TNFRSF8: variants seen among roughly 807,000 people sequenced by gnomAD.
TNFRSF8 encodes the protein TNF receptor superfamily member 8, also known as tumor necrosis factor receptor superfamily member 8.
A neutral mutation model predicts 70.8 loss-of-function variants in TNFRSF8; 26 were observed. The ratio of observed to expected loss-of-function variants is 0.37; its 90% CI spans 0.27 to 0.51. TNFRSF8 has a LOEUF of 0.51. TNFRSF8 is among the 20% of genes least tolerant of loss of function. The pLI is 0.94. For missense variants in TNFRSF8, 720 were observed against 807.9 expected, an observed-to-expected ratio of 0.89 and a Z score of 1.32; for synonymous variants, 356 against 339.2, an observed-to-expected ratio of 1.05 and a Z score of -0.54.
chr1:12,085,042 C>T (rs1378687712), intron 2 of TNFRSF8, among the ~76,000 whole-genome samples: 1 of 152,192 alleles, frequency 6.6e-6, no homozygotes, highest in Non-Finnish European at 1.5e-5. Flanking sequence ...GGGCTGTCAA[C>T]ATCCTCTGAC....
At chr1:12,123,430 C>T (rs1641871135) in intron 9 of TNFRSF8, 53 bp downstream of exon 9, 6 of 1,513,684 alleles carry the variant, frequency 4.0e-6, no homozygotes, top group South Asian at 3.7e-5. Flanking sequence ...GGAGCTGTCC[C>T]TGCCATGCCC....
intron 1 of TNFRSF8, among the ~76,000 whole-genome samples, chr1:12,081,759 C>T (rs1261243962): frequency 1.3e-5 from 2 of 152,202 alleles, no homozygotes; most frequent in Admixed American, 6.5e-5. Flanking sequence ...CTTCACTGCT[C>T]CCTCGAGTGG....
At chr1:12,075,423 A>G (rs1640927021) in intron 1 of TNFRSF8, among the ~76,000 whole-genome samples, 1 of 152,058 alleles carries the variant, frequency 6.6e-6, no homozygotes, top group African/African-American at 2.4e-5. Flanking sequence ...CGGTAGCCCC[A>G]GCATTTGATG....
intron 1 of TNFRSF8, among the ~76,000 whole-genome samples, chr1:12,082,788 A>G (rs1209438052): frequency 6.6e-6 from 1 of 152,182 alleles, no homozygotes; most frequent in Non-Finnish European, 1.5e-5. Context: ...ATTAACCATA[A>G]AAGAAAAGAT....
intron 3 of TNFRSF8, among the ~76,000 whole-genome samples, chr1:12,103,788 C>T (rs1570031240): frequency 6.6e-6 from 1 of 152,210 alleles, no homozygotes; most frequent in Admixed American, 6.5e-5. Flanking sequence ...CCACTGCACC[C>T]AGCCTCCCCT....
chr1:12,102,246 A>G (rs1034530274), intron 3 of TNFRSF8, among the ~76,000 whole-genome samples: 9 of 152,074 alleles, frequency 5.9e-5, no homozygotes, highest in African/African-American at 1.9e-4. Flanking sequence ...TCTGAGGGCA[A>G]TGGGGCTCAG....
At chr1:12,086,381 G>T (rs1641152806) in intron 2 of TNFRSF8, among the ~76,000 whole-genome samples, 1 of 152,162 alleles carries the variant, frequency 6.6e-6, no homozygotes, top group Non-Finnish European at 1.5e-5. Context: ...TTTTGGTTTA[G>T]TGTTGATTTT....
chr1:12,082,193 T>C (rs1641076049), intron 1 of TNFRSF8, among the ~76,000 whole-genome samples: 1 of 152,220 alleles, frequency 6.6e-6, no homozygotes, highest in Admixed American at 6.5e-5. Flanking sequence ...GAATCCTTTC[T>C]TATGATGGTG....
chr1:12,113,547 GAGAGAGAGAA>G lies in TNFRSF8; in HGVS notation c.793+1543_793+1552del, dbSNP rs1368232655. Among the ~76,000 whole-genome samples, 4 of 151,664 alleles carry G rather than the reference GAGAGAGAGAA, an allele frequency of 2.6e-5. No individual in the cohort carries two copies. Among genetic ancestry groups the G allele is most frequent in the African/African-American group, 9.7e-5 (4 of 41,300 alleles). ...AGACAGAAAGAGGGAGAGAAAGAGT[GAGAGAGAGAA>G]AGAGAGAGACAGAGAGAAAGAGACA... On this transcript the variant is annotated intron_variant, in intron 7 of 14. Coordinates refer to ENST00000263932, the MANE Select transcript of TNFRSF8 (RefSeq NM_001243.5). This position sits in a 1 kb window ranked among gnomAD's most constrained non-coding sequence, Gnocchi z 4.9.
chr1:12,071,996 C>G (rs1371262954), intron 1 of TNFRSF8, among the ~76,000 whole-genome samples: 1 of 152,160 alleles, frequency 6.6e-6, no homozygotes, highest in Non-Finnish European at 1.5e-5. Flanking sequence ...CTTTGAGAGA[C>G]AGTAGAGCAT....
chr1:12,075,745 C>T (rs1640935521), intron 1 of TNFRSF8, among the ~76,000 whole-genome samples: 1 of 152,208 alleles, frequency 6.6e-6, no homozygotes, highest in South Asian at 2.1e-4. Flanking sequence ...GGAGCGTCAC[C>T]ATCTTGGACA....
intron 13 of TNFRSF8, among the ~76,000 whole-genome samples, chr1:12,137,970 A>G (rs1642178164): frequency 1.3e-5 from 2 of 152,144 alleles, no homozygotes; most frequent in African/African-American, 4.8e-5. Context: ...ACATATGTCA[A>G]GGACTTTAGG....
chr1:12,138,274 C>T lies in TNFRSF8; in HGVS notation c.1381C>T (p.Arg461Ter), dbSNP rs1341501975. The change falls in exon 14 of 15, where the codon CGA becomes TGA. Residue 461 changes from arginine (R) to a stop codon, truncating the protein, a stop_gained. Coordinates refer to ENST00000263932, the MANE Select transcript of TNFRSF8 (RefSeq NM_001243.5). LOFTEE classifies it high-confidence loss of function. This position sits in a 1 kb window ranked among gnomAD's most constrained non-coding sequence, Gnocchi z 5.7. ...GGTGACAGAACCCGTCGCGGAAGAGCGAGGGTTAATGAGCCAGCCACTGAT... is the reference window on the plus strand; with the variant it reads ...GGTGACAGAACCCGTCGCGGAAGAGTGAGGGTTAATGAGCCAGCCACTGAT... ...ASVTEPVAEE[R>*]GLMSQPLMET... 4 of 1,613,514 alleles carry T rather than the reference C, an allele frequency of 2.5e-6. No homozygotes were observed. The highest frequency in any genetic ancestry group is 3.4e-6 in the Non-Finnish European group (4 of 1,179,910).
intron 12 of TNFRSF8, among the ~76,000 whole-genome samples, chr1:12,128,841 T>TTTA (rs1481621640): frequency 1.4e-5 from 2 of 145,910 alleles, no homozygotes; most frequent in Non-Finnish European, 3.0e-5. Context: ...TTCTTTTTTT[T>TTTA]TTTTTTTTTT....
At position 12,137,407 on chromosome 1, in the gene TNFRSF8, G is replaced by A. The variant is rs908895397; in HGVS notation, c.1336-822G>A. Reference sequence around the variant, plus strand: ...GCCTTGAGAATCATTGCGTCAGCACGGGCATCCCTGCCTCCTCTGAATTAC... The same window carrying A: ...GCCTTGAGAATCATTGCGTCAGCACAGGCATCCCTGCCTCCTCTGAATTAC... On this transcript the variant is annotated intron_variant, in intron 13 of 14. Transcript: ENST00000263932. Among the ~76,000 whole-genome samples the A allele has an allele frequency of 5.2e-4, 79 of 152,132 alleles. No homozygotes were observed. In the Middle Eastern group the frequency reaches 0.01, roughly 20 times the overall value.
At chr1:12,096,279 G>T (rs1055291905) in intron 2 of TNFRSF8, among the ~76,000 whole-genome samples, 2 of 152,134 alleles carry the variant, frequency 1.3e-5, no homozygotes. Context: ...TGTTTATCTC[G>T]AAATCAGGCT....
chr1:12,071,733 T>C (rs532967298), intron 1 of TNFRSF8, among the ~76,000 whole-genome samples: 115 of 152,218 alleles, frequency 7.6e-4, no homozygotes, highest in African/African-American at 2.6e-3. Context: ...CCGGCTAATT[T>C]TTGTATTTTT....
intron 12 of TNFRSF8, among the ~76,000 whole-genome samples, chr1:12,128,697 G>A (rs1238080891): frequency 6.6e-6 from 1 of 152,082 alleles, no homozygotes; most frequent in Non-Finnish European, 1.5e-5. Flanking sequence ...GCTGTGGAGC[G>A]CTATCCTATA....
intron 13 of TNFRSF8, 152 bp downstream of exon 13, chr1:12,135,765 C>A: frequency 7.1e-6 from 8 of 1,124,256 alleles, no homozygotes; most frequent in South Asian, 1.5e-5. Flanking sequence ...GGTGCAGGCC[C>A]GTCCTGCAAG....
Sources: allele counts gnomAD v4.1 joint callset (sites outside exome capture counted in the v4.1 genomes callset), GRCh38; gene constraint gnomAD v4.1.1; non-coding constraint Gnocchi (gnomAD v3.1); transcripts MANE v1.5; gene names NCBI Gene and HGNC (gene_info 2026-07-23, HGNC 2026-07-21).